The following DLC1 variants were observed in gnomAD, a reference collection of about 807,000 sequenced individuals.
The protein encoded by DLC1 is rho GTPase-activating protein 7.
Under a neutral mutation model 140.3 loss-of-function variants are expected in DLC1, and 54 were observed. That is an observed-to-expected ratio of 0.38 (90% CI 0.31 to 0.48). The LOEUF (loss-of-function observed/expected upper bound fraction) is 0.48. Among genes scored for constraint, DLC1 ranks in the 20% least tolerant of loss-of-function variants. The pLI, the probability that DLC1 is intolerant of heterozygous loss-of-function variation, is 0.96. For synonymous variants in DLC1, 986 were observed against 728.1 expected (o/e 1.35, Z -5.70); for missense variants, 2,536 against 1,907.0 (o/e 1.33, Z -6.14).
rs190007499 is a variant in DLC1 at position 13,089,479 on chromosome 8, G to C, written c.4074+773C>G. 7.6e-3 allele frequency among the ~76,000 whole-genome samples: 1,159 copies of C among 151,972 alleles called. 12 individuals are homozygous for C. Among genetic ancestry groups the C allele is most frequent in the Non-Finnish European group, 0.012 (845 of 67,970 alleles). On this transcript the variant is annotated intron_variant, in intron 15 of 17. Coordinates refer to ENST00000276297, the MANE Select transcript of DLC1 (RefSeq NM_182643.3). ...GTCTCTACTAAAAATACAAAAATTAGCATGGCGTGGTGGTGGGCACCTGTA... is the reference window on the plus strand; with the variant it reads ...GTCTCTACTAAAAATACAAAAATTACCATGGCGTGGTGGTGGGCACCTGTA...
chr8:13,545,741 A>G (rs191096749), intron 1 of DLC1, among the ~76,000 whole-genome samples: 2 of 152,206 alleles, frequency 1.3e-5, no homozygotes, highest in South Asian at 2.1e-4. Context: ...GATAAATGAC[A>G]TAGTTGAAAA....
At chr8:13,451,348 G>A (rs1333832093) in intron 2 of DLC1, among the ~76,000 whole-genome samples, 3 of 151,890 alleles carry the variant, frequency 2.0e-5, no homozygotes, top group African/African-American at 4.8e-5. Context: ...ATTCCCTCAC[G>A]CATCTACCCT....
chr8:13,197,540 G>A (rs1419533216), intron 5 of DLC1, among the ~76,000 whole-genome samples: 1 of 151,830 alleles, frequency 6.6e-6, no homozygotes, highest in Non-Finnish European at 1.5e-5. Context: ...TAGAGATGGG[G>A]TTTCACCACG....
intron 6 of DLC1, among the ~76,000 whole-genome samples, chr8:13,111,779 G>C (rs1373921187): frequency 6.6e-6 from 1 of 151,994 alleles, no homozygotes; most frequent in Non-Finnish European, 1.5e-5. Context: ...TCTCGGTGTA[G>C]GGTAACCCTT....
At chr8:13,128,659 T>G (rs1283610389) in intron 5 of DLC1, among the ~76,000 whole-genome samples, 1 of 152,054 alleles carries the variant, frequency 6.6e-6, no homozygotes, top group African/African-American at 2.4e-5. Flanking sequence ...GATGAAACCC[T>G]GTTTCTACTA....
At chr8:13,354,017 G>A (rs1475938442) in intron 4 of DLC1, among the ~76,000 whole-genome samples, 3 of 150,252 alleles carry the variant, frequency 2.0e-5, no homozygotes, top group Non-Finnish European at 4.4e-5. Flanking sequence ...CACTCCTTTG[G>A]ACTCTGCCAT....
chr8:13,089,093 T>C (rs904616870), intron 15 of DLC1, among the ~76,000 whole-genome samples: 1 of 151,662 alleles, frequency 6.6e-6, no homozygotes, highest in African/African-American at 2.4e-5. Context: ...ACCCTGTCTC[T>C]ACTAAAAATA....
chr8:13,515,780 G>T (rs1286409814), upstream of DLC1: 2 of 152,138 alleles, frequency 1.3e-5, no homozygotes, highest in African/African-American at 4.8e-5. Flanking sequence ...GGAGAATTTA[G>T]GGAATAAGCT....
chr8:13,128,834 C>CAA (rs531659822), intron 5 of DLC1, among the ~76,000 whole-genome samples: 25,328 of 128,358 alleles, frequency 0.2, 2,416 homozygotes, highest in African/African-American at 0.25. Context: ...GACTCCGTCT[C>CAA]AAAAAAAAAA....
intron 4 of DLC1, among the ~76,000 whole-genome samples, chr8:13,325,541 A>G (rs1563266): frequency 0.85 from 129,674 of 152,066 alleles, 55,748 homozygotes; most frequent in East Asian, 0.95. Flanking sequence ...ATGAGTGGGT[A>G]GTTTCTGAAG....
At chr8:13,558,585 C>G (rs1050922835) in intron 1 of DLC1, 13 of 152,102 alleles carry the variant, frequency 8.5e-5, no homozygotes, top group Non-Finnish European at 1.5e-4. Flanking sequence ...CTTTAGGTCA[C>G]TTTCTGAAAG....
intron 2 of DLC1, among the ~76,000 whole-genome samples, chr8:13,496,523 A>G (rs913341445): frequency 1.3e-5 from 2 of 151,992 alleles, no homozygotes; most frequent in African/African-American, 2.4e-5. Flanking sequence ...AGGATTTCAC[A>G]TATTATTCAG....
At chr8:13,478,192 A>C (rs1167507945) in intron 2 of DLC1, among the ~76,000 whole-genome samples, 1 of 152,202 alleles carries the variant, frequency 6.6e-6, no homozygotes, top group African/African-American at 2.4e-5. Flanking sequence ...GGAAGCTTAC[A>C]ATCATGGTGG....
At chr8:13,293,223 C>T (rs1317967485) in intron 5 of DLC1, among the ~76,000 whole-genome samples, 1 of 152,154 alleles carries the variant, frequency 6.6e-6, no homozygotes, top group Non-Finnish European at 1.5e-5. Context: ...GAGCGTGAAC[C>T]TGTCTCTAAA....
chr8:13,222,477 C>G (rs1460743408), intron 5 of DLC1, among the ~76,000 whole-genome samples: 1 of 151,796 alleles, frequency 6.6e-6, no homozygotes, highest in Non-Finnish European at 1.5e-5. Context: ...ATGTTTTTTT[C>G]TTTTGATTTT....
Position 13,479,859 on chromosome 8 carries a change from GAGAA to G in DLC1, c.1023+19186_1023+19189del, listed in dbSNP as rs1800625200. On this transcript the variant is annotated intron_variant, in intron 2 of 17. Coordinates refer to ENST00000276297, the MANE Select transcript of DLC1 (RefSeq NM_182643.3). ...AGAAGAAGAAGAAGAAGAAGAAGAAGAGAAAAAGAAAGAAAGAAAGAAAGAAAGA... is the reference window on the plus strand; with the variant it reads ...AGAAGAAGAAGAAGAAGAAGAAGAAGAAAGAAAGAAAGAAAGAAAGAAAGA... Among the ~76,000 whole-genome samples the G allele has an allele frequency of 9.3e-5, 3 of 32,168 alleles. 1 individual carries two copies. Among genetic ancestry groups the G allele is most frequent in the South Asian group, 2.0e-3 (2 of 976 alleles). The allele number at this position is 32,168 out of a possible 152,430, so 21.1% of individuals were successfully genotyped here.
intron 5 of DLC1, among the ~76,000 whole-genome samples, chr8:13,219,919 A>G (rs1024792900): frequency 1.1e-4 from 16 of 152,194 alleles, no homozygotes; most frequent in Admixed American, 9.8e-4. Context: ...ACAATGCGAC[A>G]CAGAAGGCTA....
chr8:13,341,295 G>GA (rs1374414094), intron 4 of DLC1: 1 of 152,188 alleles, frequency 6.6e-6, no homozygotes, highest in African/African-American at 2.4e-5. Flanking sequence ...GTCTAGAAAT[G>GA]AAAATCATGA....
At chr8:13,300,318 A>C (rs78007284) in intron 5 of DLC1, among the ~76,000 whole-genome samples, 13,487 of 152,238 alleles carry the variant, frequency 0.089, 680 homozygotes, top group South Asian at 0.17. Flanking sequence ...GAGAAAAGAG[A>C]TAATGGATGC....
Sources: allele counts gnomAD v4.1 joint callset (sites outside exome capture counted in the v4.1 genomes callset), GRCh38; gene constraint gnomAD v4.1.1; transcripts MANE v1.5; gene names NCBI Gene and HGNC (gene_info 2026-07-23, HGNC 2026-07-21).